The following PDE1A variants were observed in gnomAD, a reference collection of about 807,000 sequenced individuals.
The protein encoded by PDE1A is dual specificity calcium/calmodulin-dependent 3',5'-cyclic nucleotide phosphodiesterase 1A.
A neutral mutation model predicts 61.7 loss-of-function variants in PDE1A; 35 were observed. The ratio of observed to expected loss-of-function variants is 0.57; its 90% CI spans 0.43 to 0.75. The LOEUF (loss-of-function observed/expected upper bound fraction) is 0.75. Among genes scored for constraint, PDE1A ranks in the 30% least tolerant of loss-of-function variants. The probability of loss-of-function intolerance (pLI) is 0.00; values close to 1 mark genes in which losing one functional copy is unlikely to be tolerated. For synonymous variants in PDE1A, 232 were observed against 213.2 expected (o/e 1.09, Z -0.77); for missense variants, 597 against 630.6 (o/e 0.95, Z 0.57).
chr2:182,643,434 C>T, the PDE1A span, among the ~76,000 whole-genome samples: 50 of 152,300 alleles, frequency 3.3e-4, no homozygotes, highest in East Asian at 2.3e-3. Context: ...GTCTTGGGTA[C>T]TGCCCTCAGT....
At chr2:182,624,661 A>C in the PDE1A span, among the ~76,000 whole-genome samples, 1 of 152,180 alleles carries the variant, frequency 6.6e-6, no homozygotes, top group Non-Finnish European at 1.5e-5. Context: ...GGCCCTGGCT[A>C]GAGGCCTGTC....
At chr2:182,371,079 C>T (rs1357903816) in intron 1 of PDE1A, among the ~76,000 whole-genome samples, 1 of 152,090 alleles carries the variant, frequency 6.6e-6, no homozygotes, top group Admixed American at 6.6e-5. Flanking sequence ...AAAATCTTAG[C>T]CCATCCAAAG....
chr2:182,397,810 T>C (rs752213102), intron 1 of PDE1A, among the ~76,000 whole-genome samples: 1 of 152,070 alleles, frequency 6.6e-6, no homozygotes, highest in Non-Finnish European at 1.5e-5. Context: ...TGGGGCTTCA[T>C]ATAGAAAAAT....
the PDE1A span, among the ~76,000 whole-genome samples, chr2:182,679,182 A>ATTTTT: frequency 7.1e-6 from 1 of 141,044 alleles, no homozygotes; most frequent in African/African-American, 2.8e-5. Context: ...TATTATTATT[A>ATTTTT]TTATTATTAT....
rs72883454 is a variant in PDE1A, at chr2:182,403,267, C to G, written c.53+23311G>C. 9.7e-3 allele frequency among the ~76,000 whole-genome samples: 1,474 copies of G among 152,240 alleles called. 14 individuals carry two copies. Among genetic ancestry groups the G allele is most frequent in the Non-Finnish European group, 0.016 (1,110 of 68,010 alleles). On this transcript the variant is annotated intron_variant, in intron 1 of 13. Coordinates refer to ENST00000351439, the Ensembl canonical transcript of PDE1A. ...TGTTTACAATCACAAAGACTTGGAA[C>G]CACCCAAATTCCCATCAACGATAGA...
chr2:182,645,396 T>C, the PDE1A span, among the ~76,000 whole-genome samples: 2 of 152,362 alleles, frequency 1.3e-5, no homozygotes, highest in South Asian at 2.1e-4. Flanking sequence ...TGTCACTTAT[T>C]ATAAAATCAT....
exon 15 of PDE1A, chr2:182,141,579 T>A (rs908537241): frequency 2.0e-5 from 3 of 152,176 alleles, no homozygotes; most frequent in Non-Finnish European, 2.9e-5. Flanking sequence ...TCCAAATATA[T>A]CTTAAATTAC....
At chr2:182,673,989 C>CATATATATATAT in the PDE1A span, among the ~76,000 whole-genome samples, 47 of 135,260 alleles carry the variant, frequency 3.5e-4, no homozygotes, top group South Asian at 7.1e-4. Flanking sequence ...AATATAACTT[C>CATATATATATAT]ATATATATAT....
chr2:182,473,580 T>C (rs1399743244), intron 2 of PDE1A, among the ~76,000 whole-genome samples: 2 of 151,804 alleles, frequency 1.3e-5, no homozygotes, highest in Non-Finnish European at 2.9e-5. Flanking sequence ...GTACATCATT[T>C]CATCACCCAG....
chr2:182,230,799 C>CTA (rs1689517893), intron 5 of PDE1A, among the ~76,000 whole-genome samples: 2 of 152,066 alleles, frequency 1.3e-5, no homozygotes, highest in South Asian at 4.2e-4. Flanking sequence ...TGGAATGAGG[C>CTA]TATAGTGGCC....
intron 6 of PDE1A, 37 bp from the exon 7 acceptor site, chr2:182,224,001 A>T (rs1414790536): frequency 1.5e-6 from 2 of 1,352,788 alleles, no homozygotes; most frequent in Non-Finnish European, 2.1e-6. Flanking sequence ...ATATTCAAGA[A>T]GTAGATAACA....
the PDE1A span, among the ~76,000 whole-genome samples, chr2:182,555,595 C>G: frequency 6.6e-6 from 1 of 152,108 alleles, no homozygotes; most frequent in Non-Finnish European, 1.5e-5. Flanking sequence ...GAAAATTTTG[C>G]CCAGAACATA....
intron 12 of PDE1A, 138 bp from the exon 13 acceptor site, chr2:182,186,217 G>A: frequency 1.1e-6 from 1 of 894,622 alleles, no homozygotes; most frequent in Non-Finnish European, 1.7e-6. Context: ...CGTGGCAGCT[G>A]CTCATCTCCT....
intron 1 of PDE1A, among the ~76,000 whole-genome samples, chr2:182,366,330 T>C (rs1330343758): frequency 2.0e-5 from 3 of 151,890 alleles, no homozygotes; most frequent in Non-Finnish European, 4.4e-5. Context: ...AAAAAGGAGA[T>C]AGAATGAGAA....
chr2:182,606,086 G>A, the PDE1A span, among the ~76,000 whole-genome samples: 1 of 152,160 alleles, frequency 6.6e-6, no homozygotes, highest in African/African-American at 2.4e-5. Flanking sequence ...AATGACTGTG[G>A]AAGATAGGTA....
At chr2:182,228,777 A>G (rs1574080832) in intron 6 of PDE1A, among the ~76,000 whole-genome samples, 1 of 152,256 alleles carries the variant, frequency 6.6e-6, no homozygotes, top group Non-Finnish European at 1.5e-5. Context: ...GTTCTGGAAA[A>G]CACTAAAGGT....
intron 1 of PDE1A, among the ~76,000 whole-genome samples, chr2:182,410,852 A>G (rs1335517877): frequency 6.6e-6 from 1 of 152,200 alleles, no homozygotes; most frequent in Non-Finnish European, 1.5e-5. Context: ...TCCATGCCAC[A>G]CTAAGGCCAT....
chr2:182,269,891 T>G (rs952287533), intron 1 of PDE1A, among the ~76,000 whole-genome samples: 1 of 152,158 alleles, frequency 6.6e-6, no homozygotes, highest in Non-Finnish European at 1.5e-5. Context: ...AATCAGTAAT[T>G]TGAGAAAGAA....
At chr2:182,598,689 T>C in the PDE1A span, among the ~76,000 whole-genome samples, 2 of 151,886 alleles carry the variant, frequency 1.3e-5, no homozygotes, top group Non-Finnish European at 2.9e-5. Flanking sequence ...CAGGGCAGAG[T>C]AGGGGAATCC....
Sources: gnomAD v4.1 joint callset for allele counts (sites outside exome capture counted in the v4.1 genomes callset) on GRCh38, gnomAD v4.1.1 for gene constraint, MANE v1.5 for transcripts, NCBI Gene and HGNC (gene_info 2026-07-23, HGNC 2026-07-21) for gene names.